Variants in UNC13B observed in about 807,000 individuals in gnomAD.
The protein encoded by UNC13B is unc-13 homolog B.
Under a neutral mutation model 211.0 loss-of-function variants are expected in UNC13B, and 144 were observed. The observed-to-expected ratio is 0.68, with a 90% confidence interval of 0.60 to 0.78. The LOEUF is 0.78. Ranked by LOEUF, UNC13B falls within the 30% of genes least tolerant of loss-of-function variation. The pLI, the probability that UNC13B is intolerant of heterozygous loss-of-function variation, is 0.00. For missense variants in UNC13B, 1,777 were observed against 2,002.0 expected, an observed-to-expected ratio of 0.89 and a Z score of 2.14; for synonymous variants, 709 against 725.8, an observed-to-expected ratio of 0.98 and a Z score of 0.37.
In UNC13B at chr9:35,235,382, A is replaced by T. The variant is rs1825438754; in HGVS notation, c.153-1087A>T. 2.6e-5 allele frequency among the ~76,000 whole-genome samples: 4 copies of T among 152,206 alleles called. No homozygotes were observed. The South Asian group carries it at 8.3e-4, about 32-fold the overall frequency. ...CACTTGCCTGTGACCACATGTTCCT[A>T]TCAAACTTATATGTTCTCAGGGACC... On this transcript the variant is annotated intron_variant, in intron 3 of 39. Coordinates refer to ENST00000635942, the MANE Select transcript of UNC13B (RefSeq NM_001371189.2).
chr9:35,185,908 A>G (rs1316880939), intron 1 of UNC13B, among the ~76,000 whole-genome samples: 1 of 150,330 alleles, frequency 6.7e-6, no homozygotes, highest in East Asian at 2.0e-4. Flanking sequence ...ACAGAGCGAG[A>G]CTCTACCTCA....
At position 35,405,271 on chromosome 9, in the gene UNC13B, AATT is replaced by A. The variant is rs1382725405; in HGVS notation, c.*1244_*1246del. ...GAAACCAAGCATCTTTGCTGTTGTT[AATT>A]ATTATATGTGCCATTGTTACAGGAG... On this transcript the variant is annotated 3_prime_UTR_variant, in exon 40 of 40. Transcript: ENST00000635942. 1 of 152,614 alleles carries A rather than the reference AATT, an allele frequency of 6.6e-6. No homozygotes were observed. The highest frequency in any genetic ancestry group is 2.4e-5 in the African/African-American group (1 of 41,434). 9.5% of individuals were successfully genotyped at this position (152,614 alleles called of 1,614,324 possible).
intron 1 of UNC13B, among the ~76,000 whole-genome samples, chr9:35,174,124 C>T (rs1821480894): frequency 7.7e-6 from 1 of 130,464 alleles, no homozygotes; most frequent in Admixed American, 7.8e-5. Context: ...AGCTGAAAGT[C>T]TTCCTAGACC....
At chr9:35,380,682 A>G (rs1372504296) in intron 18 of UNC13B, 43 bp downstream of exon 18, 3 of 1,612,356 alleles carry the variant, frequency 1.9e-6, no homozygotes, top group Non-Finnish European at 2.5e-6. Context: ...AAGGGAAAGC[A>G]TGAAGGGGAC....
rs544812958 is a variant in UNC13B, at chr9:35,193,021, A to G, written c.22+30716A>G. Among the ~76,000 whole-genome samples the G allele has an allele frequency of 4.6e-5, 7 of 152,294 alleles. No individual in the cohort carries two copies. In the East Asian group the frequency reaches 7.7e-4, roughly 17 times the overall value. ...ATGGTTGCAGGTGTGACCCCCAGCC[A>G]TGGAACCAGAGGAACTAAGTGATTG... On this transcript the variant is annotated intron_variant, in intron 1 of 39. Transcript: ENST00000635942.
chr9:35,186,830 T>C (rs996358813), intron 1 of UNC13B, among the ~76,000 whole-genome samples: 2 of 152,116 alleles, frequency 1.3e-5, no homozygotes, highest in Admixed American at 6.6e-5. Flanking sequence ...TTACTGTACA[T>C]GTGGCTGGCA....
At chr9:35,242,282 A>T (rs1001887156) in intron 5 of UNC13B, among the ~76,000 whole-genome samples, 4 of 152,194 alleles carry the variant, frequency 2.6e-5, no homozygotes, top group East Asian at 1.9e-4. Flanking sequence ...CTTTTAAAAA[A>T]TTTTTAATTG....
intron 1 of UNC13B, among the ~76,000 whole-genome samples, chr9:35,199,727 A>G (rs996644226): frequency 2.6e-5 from 4 of 152,104 alleles, no homozygotes; most frequent in African/African-American, 7.2e-5. Flanking sequence ...TTCTTTGTAG[A>G]TTCTGGATAT....
chr9:35,396,985 C>A (rs1298174047), intron 28 of UNC13B, 48 bp downstream of exon 28: 9 of 1,609,818 alleles, frequency 5.6e-6, no homozygotes, highest in Non-Finnish European at 7.7e-6. Flanking sequence ...GGTCTCCCAG[C>A]AATTAGCTAT....
Position 35,211,681 on chromosome 9 carries a change from C to A in UNC13B, c.23-16334C>A, listed in dbSNP as rs529183093. Among the ~76,000 whole-genome samples the A allele has an allele frequency of 3.9e-5, 6 of 152,272 alleles. No homozygotes were observed. The South Asian group carries it at 1.0e-3, about 26-fold the overall frequency. ...CAAATTGCCCTCCCTAAAGACTGTT[C>A]CAAATTACACATTTACCTACAGTGT... is the stretch of plus-strand genomic sequence containing the variant. On this transcript the variant is annotated intron_variant, in intron 1 of 39. Transcript: ENST00000635942.
intron 7 of UNC13B, among the ~76,000 whole-genome samples, chr9:35,291,723 A>T (rs539435944): frequency 2.0e-5 from 3 of 152,190 alleles, no homozygotes; most frequent in African/African-American, 4.8e-5. Flanking sequence ...GTGGCAAAAC[A>T]TGTAGCCCTA....
At chr9:35,281,572 A>G (rs1828496716) in intron 7 of UNC13B, among the ~76,000 whole-genome samples, 1 of 152,184 alleles carries the variant, frequency 6.6e-6, no homozygotes, top group African/African-American at 2.4e-5. Context: ...CAAATTTGGG[A>G]TGGTTAGGAA....
At position 35,259,044 on chromosome 9, in the gene UNC13B, C is replaced by T; in HGVS notation, c.520C>T (p.Gln174Ter). The change falls in exon 7 of 40, where the codon CAG becomes TAG. Residue 174 changes from glutamine (Q) to a stop codon, truncating the protein, a stop_gained. Transcript: ENST00000635942. LOFTEE classifies it high-confidence loss of function. The part of the protein sequence containing the change: ...QRKPLPTAAA[Q>*]CSFEDPDSAV... ...GAAGCCATTGCCCACTGCTGCCGCCCAGTGTTGTAAGTGAGAAACTTGTCT... is the reference window on the plus strand; with the variant it reads ...GAAGCCATTGCCCACTGCTGCCGCCTAGTGTTGTAAGTGAGAAACTTGTCT... 6.2e-7 allele frequency: 1 copy of T among 1,613,914 alleles called. No individual in the cohort carries two copies. The highest frequency in any genetic ancestry group is 1.3e-5 in the African/African-American group (1 of 75,040).
intron 1 of UNC13B, among the ~76,000 whole-genome samples, chr9:35,206,382 C>A (rs944388329): frequency 1.3e-5 from 2 of 152,042 alleles, no homozygotes; most frequent in African/African-American, 4.8e-5. Context: ...ATAATCACTC[C>A]CTTTCCCTCT....
rs190880897 is a variant in UNC13B, at chr9:35,304,387, A to G, written c.4983A>G (p.Arg1661=). 1 of 398,720 alleles carries G rather than the reference A, an allele frequency of 2.5e-6. No homozygotes were observed. 24.7% of individuals were successfully genotyped at this position (398,720 alleles called of 1,614,324 possible). Residue 1661 remains arginine, a synonymous_variant, in exon 9 of 40, where the codon AGA becomes AGG. Transcript: ENST00000635942. ...YNRQKFKGDF[R]SFKERPCGSE... ...GTCAAAAGTTTAAAGGAGACTTTAGATCTTTCAAAGAAAGGCCGTGTGGTT... is the reference window on the plus strand; with the variant it reads ...GTCAAAAGTTTAAAGGAGACTTTAGGTCTTTCAAAGAAAGGCCGTGTGGTT...
chr9:35,314,874 CTTTTTTTTTTTTTTTTT>C (rs765803997), intron 11 of UNC13B, among the ~76,000 whole-genome samples: 1 of 57,760 alleles, frequency 1.7e-5, no homozygotes, highest in African/African-American at 7.3e-5. Flanking sequence ...GATTCCGTAT[CTTTTTTTTTTTTTTTTT>C]TTTTTTTTTT....
Position 35,399,039 on chromosome 9 carries a change from G to C in UNC13B, c.12074+5G>C, listed in dbSNP as rs374627859. 94 of 1,613,758 alleles carry C rather than the reference G, an allele frequency of 5.8e-5. No individual in the cohort carries two copies. The highest frequency in any genetic ancestry group is 7.7e-5 in the Non-Finnish European group (91 of 1,179,834). On this transcript the variant is annotated splice_donor_5th_base_variant and intron_variant, in intron 33 of 39. Transcript: ENST00000635942. Reference sequence around the variant, plus strand: ...CATGGACTTCCTGGATGGCAAGTGAGTACAGCATTCAGGACTATCCTGTGG... The same window carrying C: ...CATGGACTTCCTGGATGGCAAGTGACTACAGCATTCAGGACTATCCTGTGG...
At chr9:35,242,364 A>T (rs1424151604) in intron 5 of UNC13B, among the ~76,000 whole-genome samples, 1 of 152,200 alleles carries the variant, frequency 6.6e-6, no homozygotes, top group African/African-American at 2.4e-5. Context: ...TGTTAAGTAC[A>T]TTCACATTGT....
intron 1 of UNC13B, 103 bp from the exon 2 acceptor site, chr9:35,227,912 T>A: frequency 2.1e-6 from 2 of 968,312 alleles, no homozygotes; most frequent in East Asian, 5.3e-5. Flanking sequence ...GATTTAACAA[T>A]CTAAACCTAG....
Sources: allele counts gnomAD v4.1 joint callset (sites outside exome capture counted in the v4.1 genomes callset), GRCh38; gene constraint gnomAD v4.1.1; transcripts MANE v1.5; gene names NCBI Gene and HGNC (gene_info 2026-07-23, HGNC 2026-07-21).